DYNC2H1: variants seen among roughly 807,000 people sequenced by gnomAD.
DYNC2H1 encodes dynein cytoplasmic 2 heavy chain 1.
Under a neutral mutation model 570.0 loss-of-function variants are expected in DYNC2H1, and 410 were observed. The observed-to-expected ratio is 0.72, with a 90% CI of 0.66 to 0.78. DYNC2H1 has a LOEUF of 0.78. DYNC2H1 is among the 30% of genes least tolerant of loss of function. DYNC2H1 has a pLI of 0.00. For missense variants in DYNC2H1, 4,865 were observed against 5,046.4 expected (o/e 0.96, Z 1.09); for synonymous variants, 1,688 against 1,677.6 (o/e 1.01, Z -0.15).
intron 83 of DYNC2H1, among the ~76,000 whole-genome samples, chr11:103,365,032 T>G: frequency 6.6e-6 from 1 of 152,212 alleles, no homozygotes; most frequent in East Asian, 1.9e-4. Context: ...TCTTCTTTTT[T>G]AATTTGTAGA....
At chr11:103,435,462 G>A (rs1159521082) in intron 84 of DYNC2H1, among the ~76,000 whole-genome samples, 3 of 152,080 alleles carry the variant, frequency 2.0e-5, no homozygotes, top group Non-Finnish European at 4.4e-5. Flanking sequence ...GCTGTTCTTA[G>A]AGGGGTTTTA....
rs954911736 is a variant in DYNC2H1 at position 103,363,415 on chromosome 11, T to C, written c.12156+5056T>C. On this transcript the variant is annotated intron_variant, in intron 83 of 88. Transcript: ENST00000375735. This position sits in a 1 kb window ranked among gnomAD's most constrained non-coding sequence, Gnocchi z 5.6. The stretch of plus-strand genomic sequence containing the variant: ...AATGTTTATCCAGCCACTCTAAAGA[T>C]TCTGGAATTTAGCAATTTCAAAATT... Among the ~76,000 whole-genome samples, 1 of 152,162 alleles carries C rather than the reference T, an allele frequency of 6.6e-6. No individual in the cohort carries two copies. The highest frequency in any genetic ancestry group is 1.5e-5 in the Non-Finnish European group (1 of 68,028).
chr11:103,253,811 A>T (rs889292920), intron 66 of DYNC2H1, among the ~76,000 whole-genome samples: 1 of 152,180 alleles, frequency 6.6e-6, no homozygotes, highest in Non-Finnish European at 1.5e-5. Context: ...TGACTTGTTC[A>T]GCTAGTTAAG....
At chr11:103,388,572 G>C (rs756224473) in intron 83 of DYNC2H1, among the ~76,000 whole-genome samples, 6 of 152,164 alleles carry the variant, frequency 3.9e-5, no homozygotes, top group Non-Finnish European at 7.4e-5. Flanking sequence ...GGGCATCCCT[G>C]TCTTGTGCCA....
Position 103,350,404 on chromosome 11 carries a change from T to C in DYNC2H1, c.12040-7839T>C, listed in dbSNP as rs547244214. Among the ~76,000 whole-genome samples, 26 of 152,306 alleles carry C rather than the reference T, an allele frequency of 1.7e-4. No homozygotes were observed. In the Middle Eastern group the frequency reaches 0.017, roughly 100 times the overall value. ...TAATTCTTAGACATTTAATTGTCTT[T>C]ATTTGTCTTCTTGGGATAGGTAGAT... On this transcript the variant is annotated intron_variant, in intron 82 of 88. Coordinates refer to ENST00000375735, the MANE Select transcript of DYNC2H1 (RefSeq NM_001377.3).
chr11:103,129,013 G>C lies in DYNC2H1; in HGVS notation c.1953+8G>C, dbSNP rs750542941. The C allele has an allele frequency of 6.3e-7, 1 of 1,586,904 alleles. No homozygotes were observed. Among genetic ancestry groups the C allele is most frequent in the African/African-American group, 1.3e-5 (1 of 74,116 alleles). ...TTTGAACAGATAATTAAGGTAAATG[G>C]GCTTTTAATTTTATTATAATTAGAT... is the stretch of plus-strand genomic sequence containing the variant. On this transcript the variant is annotated splice_region_variant and intron_variant, in intron 13 of 88. Transcript: ENST00000375735. This position sits in a 1 kb window ranked among gnomAD's most constrained non-coding sequence, Gnocchi z 4.1.
intron 17 of DYNC2H1, among the ~76,000 whole-genome samples, chr11:103,137,807 T>C (rs1325176151): frequency 6.6e-6 from 1 of 151,958 alleles, no homozygotes; most frequent in Non-Finnish European, 1.5e-5. Flanking sequence ...AATCTATAAA[T>C]TACCTTGGGC....
intron 78 of DYNC2H1, among the ~76,000 whole-genome samples, chr11:103,309,740 AG>A (rs1867487323): frequency 6.6e-6 from 1 of 152,064 alleles, no homozygotes; most frequent in Non-Finnish European, 1.5e-5. Context: ...CCATGAGGGC[AG>A]GGGGTATTTT....
intron 6 of DYNC2H1, among the ~76,000 whole-genome samples, chr11:103,118,306 A>T (rs1359360065): frequency 6.6e-6 from 1 of 152,070 alleles, no homozygotes; most frequent in Non-Finnish European, 1.5e-5. Flanking sequence ...TGCAAAACTG[A>T]CCATTCCTGC....
chr11:103,478,131 A>G (rs1474777621), intron 88 of DYNC2H1, among the ~76,000 whole-genome samples: 1 of 152,158 alleles, frequency 6.6e-6, no homozygotes. Context: ...AAAGCACATC[A>G]TATATGTTTA....
rs2135094149 is a variant in DYNC2H1, at chr11:103,203,421, G to C, written c.8198-242G>C. Among the ~76,000 whole-genome samples, 1 of 152,212 alleles carries C rather than the reference G, an allele frequency of 6.6e-6. No individual in the cohort carries two copies. The highest frequency in any genetic ancestry group is 1.9e-4 in the East Asian group (1 of 5,174). ...TAGAGTACAAGGTCTTATGGAGGAA[G>C]ATGGAAAAATAACCAGTAAAGGTAG... On this transcript the variant is annotated intron_variant, in intron 50 of 88. Coordinates refer to ENST00000375735, the MANE Select transcript of DYNC2H1 (RefSeq NM_001377.3). The surrounding 1 kb of genome is among the most constrained non-coding windows in gnomAD (Gnocchi z 4.7).
At chr11:103,272,854 CTTCA>C (rs150236577) in intron 70 of DYNC2H1, among the ~76,000 whole-genome samples, 13,420 of 151,914 alleles carry the variant, frequency 0.088, 771 homozygotes, top group Non-Finnish European at 0.12. Flanking sequence ...ATTAATTTTT[CTTCA>C]TTAGGTAGTT....
chr11:103,479,460 G>A lies in DYNC2H1; in HGVS notation c.*207G>A, dbSNP rs1945675980. 4.3e-6 allele frequency: 2 copies of A among 462,380 alleles called. No homozygotes were observed. Among genetic ancestry groups the A allele is most frequent in the African/African-American group, 4.0e-5 (2 of 49,916 alleles). The allele number at this position is 462,380 out of a possible 1,614,324, so 28.6% of individuals were successfully genotyped here. ...AATTAATGGAGTTATTGTTAAAACA[G>A]AGTATTCTTTTGACAACATTAAATA... is the stretch of plus-strand genomic sequence containing the variant. On this transcript the variant is annotated 3_prime_UTR_variant, in exon 89 of 89. Transcript: ENST00000375735.
intron 83 of DYNC2H1, among the ~76,000 whole-genome samples, chr11:103,380,759 G>A (rs1297718218): frequency 1.3e-5 from 2 of 151,980 alleles, no homozygotes; most frequent in Non-Finnish European, 2.9e-5. Context: ...ATGGGGTTTC[G>A]CCTTGTTACT....
At chr11:103,215,544 G>A (rs1863344387) in intron 54 of DYNC2H1, among the ~76,000 whole-genome samples, 177 bp from the exon 55 acceptor site, 1 of 152,036 alleles carries the variant, frequency 6.6e-6, no homozygotes, top group Non-Finnish European at 1.5e-5. Flanking sequence ...ATCTTAATGA[G>A]TATCATGTGA....
chr11:103,447,514 TTTAAAAG>T (rs2135784582), intron 85 of DYNC2H1, among the ~76,000 whole-genome samples: 2 of 152,236 alleles, frequency 1.3e-5, no homozygotes, highest in East Asian at 3.9e-4. Context: ...TGGTTACGAT[TTTAAAAG>T]TTAGAGTCAT....
chr11:103,286,575 C>T (rs113903849), intron 74 of DYNC2H1, among the ~76,000 whole-genome samples, 189 bp downstream of exon 74: 63 of 152,288 alleles, frequency 4.1e-4, no homozygotes, highest in African/African-American at 1.5e-3. Flanking sequence ...TCTGGTTTCT[C>T]TCTCACTGTG....
chr11:103,369,980 G>T lies in DYNC2H1; in HGVS notation c.12156+11621G>T, dbSNP rs933023168. Among the ~76,000 whole-genome samples the T allele has an allele frequency of 5.9e-5, 9 of 152,208 alleles. No homozygotes were observed. The highest frequency in any genetic ancestry group is 1.3e-4 in the Non-Finnish European group (9 of 68,048). ...ACATTGTCTTGCACATTAGGTAGAAGCTTGGCTACAGAGATAGGACACCAA... is the reference window on the plus strand; with the variant it reads ...ACATTGTCTTGCACATTAGGTAGAATCTTGGCTACAGAGATAGGACACCAA... On this transcript the variant is annotated intron_variant, in intron 83 of 88. Coordinates refer to ENST00000375735, the MANE Select transcript of DYNC2H1 (RefSeq NM_001377.3). The surrounding 1 kb of genome is among the most constrained non-coding windows in gnomAD (Gnocchi z 4.0).
chr11:103,265,322 T>A (rs1865465621), intron 70 of DYNC2H1, among the ~76,000 whole-genome samples: 1 of 152,200 alleles, frequency 6.6e-6, no homozygotes, highest in African/African-American at 2.4e-5. Context: ...GGCACATGTA[T>A]AACTATGTAA....
Sources: allele counts gnomAD v4.1 joint callset (sites outside exome capture counted in the v4.1 genomes callset), GRCh38; gene constraint gnomAD v4.1.1; non-coding constraint Gnocchi (gnomAD v3.1); transcripts MANE v1.5; gene names NCBI Gene and HGNC (gene_info 2026-07-23, HGNC 2026-07-21).